Variants in ATP8A1 observed in about 807,000 individuals in gnomAD.
The protein encoded by ATP8A1 is phospholipid-transporting ATPase IA.
Under a neutral mutation model 177.7 loss-of-function variants are expected in ATP8A1, and 90 were observed. The observed-to-expected ratio is 0.51, with a 90% CI of 0.43 to 0.60. The LOEUF is 0.60. ATP8A1 is among the 20% of genes least tolerant of loss of function. The pLI, the probability that ATP8A1 is intolerant of heterozygous loss-of-function variation, is 0.00. For synonymous variants in ATP8A1, 493 were observed against 485.9 expected (o/e 1.01, Z -0.19); for missense variants, 1,072 against 1,392.8 (o/e 0.77, Z 3.67).
intron 25 of ATP8A1, 50 bp downstream of exon 25, chr4:42,485,446 T>C (rs1722092974): frequency 1.3e-6 from 2 of 1,503,126 alleles, no homozygotes; most frequent in East Asian, 4.6e-5. Context: ...ATCAAGAACT[T>C]AGATCAAGTC....
chr4:42,632,335 G>A (rs772924737), intron 1 of ATP8A1, among the ~76,000 whole-genome samples: 6 of 152,164 alleles, frequency 3.9e-5, no homozygotes, highest in Non-Finnish European at 8.8e-5. Context: ...AATAATGTCT[G>A]TAATATTCTG....
At position 42,427,948 on chromosome 4, in the gene ATP8A1, C is replaced by T. The variant is rs542269035; in HGVS notation, c.3124-4243G>A. On this transcript the variant is annotated intron_variant, in intron 33 of 36. Transcript: ENST00000381668. The stretch of plus-strand genomic sequence containing the variant: ...ACTAATTTTGGGGAATGCAAATATT[C>T]GTTGTGGGTTGTTATAAATAACAAA... Among the ~76,000 whole-genome samples the T allele has an allele frequency of 2.9e-3, 449 of 152,312 alleles. 2 individuals are homozygous for T. The highest frequency in any genetic ancestry group is 0.01 in the African/African-American group (430 of 41,578).
At chr4:42,493,542 G>A (rs1428971841) in intron 24 of ATP8A1, among the ~76,000 whole-genome samples, 4 of 152,022 alleles carry the variant, frequency 2.6e-5, no homozygotes, top group African/African-American at 4.8e-5. Context: ...TCATTTCATG[G>A]CCTATCATAA....
chr4:42,501,862 C>T (rs1276474880), intron 24 of ATP8A1, among the ~76,000 whole-genome samples: 1 of 152,184 alleles, frequency 6.6e-6, no homozygotes, highest in Non-Finnish European at 1.5e-5. Context: ...GAAAAGCCTT[C>T]CCCAGACAGC....
chr4:42,577,306 A>G (rs530281516), intron 12 of ATP8A1, among the ~76,000 whole-genome samples: 160 of 152,260 alleles, frequency 1.1e-3, no homozygotes, highest in African/African-American at 3.6e-3. Context: ...TTTCAGCCAT[A>G]TATCTCCTGC....
chr4:42,471,250 C>T (rs1313244007), intron 25 of ATP8A1, among the ~76,000 whole-genome samples: 1 of 152,150 alleles, frequency 6.6e-6, no homozygotes, highest in African/African-American at 2.4e-5. Flanking sequence ...ATTCAAATGA[C>T]TGATGAGTGA....
intron 33 of ATP8A1, among the ~76,000 whole-genome samples, chr4:42,427,055 C>T (rs985079388): frequency 1.3e-5 from 2 of 151,886 alleles, no homozygotes; most frequent in Admixed American, 1.3e-4. Flanking sequence ...GTTGCGTTAA[C>T]GCTGGGAACA....
intron 15 of ATP8A1, chr4:42,561,553 T>C (rs780656466): frequency 6.6e-6 from 1 of 152,256 alleles, no homozygotes; most frequent in Admixed American, 6.5e-5. Flanking sequence ...GTTACAACTT[T>C]TCTTATTGTA....
chr4:42,627,341 A>T (rs777479241), intron 1 of ATP8A1, among the ~76,000 whole-genome samples: 2 of 152,178 alleles, frequency 1.3e-5, no homozygotes, highest in Admixed American at 6.5e-5. Context: ...AAGACATAAC[A>T]TCAACTTTCC....
intron 19 of ATP8A1, among the ~76,000 whole-genome samples, chr4:42,545,419 T>C (rs746517269): frequency 2.2e-4 from 34 of 152,138 alleles, no homozygotes; most frequent in Admixed American, 3.9e-4. Flanking sequence ...ATTGGGTGAA[T>C]GAGAACTCTC....
At chr4:42,454,648 A>T (rs1239610841) in intron 29 of ATP8A1, among the ~76,000 whole-genome samples, 1 of 152,126 alleles carries the variant, frequency 6.6e-6, no homozygotes, top group African/African-American at 2.4e-5. Flanking sequence ...AAAGTAAACT[A>T]TATAGAAAAT....
chr4:42,643,535 G>A (rs1040066741), intron 1 of ATP8A1, among the ~76,000 whole-genome samples: 2 of 151,900 alleles, frequency 1.3e-5, no homozygotes, highest in African/African-American at 4.8e-5. Context: ...CAAATCTGTT[G>A]GATCTATCTT....
intron 35 of ATP8A1, among the ~76,000 whole-genome samples, chr4:42,421,722 C>T (rs558625109): frequency 1.3e-5 from 2 of 152,054 alleles, no homozygotes; most frequent in African/African-American, 4.8e-5. Context: ...TGGATAACAA[C>T]AGTGAATCAT....
chr4:42,555,832 A>AACTC, intron 16 of ATP8A1, 136 bp downstream of exon 16: 1 of 640,670 alleles, frequency 1.6e-6, no homozygotes, highest in Non-Finnish European at 2.5e-6. Flanking sequence ...TCAAATAACT[A>AACTC]ACTAACTAAC....
At chr4:42,435,456 A>AAAAAAAAAAAAAC (rs1560320569) in intron 33 of ATP8A1, among the ~76,000 whole-genome samples, 13 of 101,006 alleles carry the variant, frequency 1.3e-4, no homozygotes, top group African/African-American at 4.2e-4. Flanking sequence ...AAAACAAAAA[A>AAAAAAAAAAAAAC]AAAAAAACAA....
chr4:42,470,232 T>C (rs1486050603), intron 25 of ATP8A1, among the ~76,000 whole-genome samples: 2 of 152,248 alleles, frequency 1.3e-5, no homozygotes, highest in Non-Finnish European at 2.9e-5. Context: ...CTGAGTGCAA[T>C]ATGCTTTTCA....
At chr4:42,568,598 T>G (rs1731587760) in intron 15 of ATP8A1, among the ~76,000 whole-genome samples, 1 of 152,230 alleles carries the variant, frequency 6.6e-6, no homozygotes, top group South Asian at 2.1e-4. Context: ...ACGCTAACTT[T>G]AATGATGCCA....
Position 42,549,006 on chromosome 4 carries a change from G to A in ATP8A1, c.1652+7C>T, listed in dbSNP as rs1449535983. 6 of 1,605,368 alleles carry A rather than the reference G, an allele frequency of 3.7e-6. No individual in the cohort carries two copies. Among genetic ancestry groups the A allele is most frequent in the African/African-American group, 2.7e-5 (2 of 74,636 alleles). ...TATCCATACAAATCACTGAGCAGAT[G>A]TTTTACCTGGTAAACTCCAAGACAT... On this transcript the variant is annotated splice_region_variant and intron_variant, in intron 19 of 36. Transcript: ENST00000381668.
chr4:42,553,967 C>A (rs559949541), intron 16 of ATP8A1, among the ~76,000 whole-genome samples: 1 of 151,970 alleles, frequency 6.6e-6, no homozygotes, highest in South Asian at 2.1e-4. Context: ...AGGAAAAAAA[C>A]GATGTGTTTT....
Sources: gnomAD v4.1 joint callset for allele counts (sites outside exome capture counted in the v4.1 genomes callset) on GRCh38, gnomAD v4.1.1 for gene constraint, MANE v1.5 for transcripts, NCBI Gene and HGNC (gene_info 2026-07-23, HGNC 2026-07-21) for gene names.